Variants in UMOD observed in about 807,000 individuals in gnomAD.
UMOD encodes Tamm-Horsfall urinary glycoprotein.
Under a neutral mutation model 66.0 loss-of-function variants are expected in UMOD, and 64 were observed. The observed-to-expected ratio is 0.97, with a 90% CI of 0.79 to 1.19. The LOEUF is 1.19. UMOD is among the 50% of genes most tolerant of loss of function. UMOD has a pLI of 0.00. For synonymous variants in UMOD, 398 were observed against 352.7 expected, an observed-to-expected ratio of 1.13 and a Z score of -1.44; for missense variants, 764 against 850.9, an observed-to-expected ratio of 0.90 and a Z score of 1.27.
At chr16:20,334,974 C>A (rs545598015) in intron 10 of UMOD, among the ~76,000 whole-genome samples, 4 of 151,748 alleles carry the variant, frequency 2.6e-5, no homozygotes, top group African/African-American at 9.7e-5. Flanking sequence ...CTGGGAGGCG[C>A]GCGCCACCAC....
chr16:20,340,429 A>C (rs1287014683), intron 7 of UMOD, among the ~76,000 whole-genome samples: 1 of 148,588 alleles, frequency 6.7e-6, no homozygotes, highest in Admixed American at 6.7e-5. Flanking sequence ...TACAAAATGC[A>C]TTATATCTTT....
At chr16:20,343,297 A>T (rs1453761360) in intron 6 of UMOD, among the ~76,000 whole-genome samples, 2 of 152,224 alleles carry the variant, frequency 1.3e-5, no homozygotes, top group Non-Finnish European at 2.9e-5. Flanking sequence ...GGCACCCAGT[A>T]TGAATAGTTT....
chr16:20,338,954 C>T (rs1345620169), intron 7 of UMOD, among the ~76,000 whole-genome samples: 2 of 152,104 alleles, frequency 1.3e-5, no homozygotes, highest in Non-Finnish European at 2.9e-5. Context: ...TAGAGATGGG[C>T]TTTGCTGTAT....
At chr16:20,350,312 A>G (rs1596565567) in intron 2 of UMOD, among the ~76,000 whole-genome samples, 1 of 152,156 alleles carries the variant, frequency 6.6e-6, no homozygotes, top group South Asian at 2.1e-4. Flanking sequence ...CTGACTTCCA[A>G]TAAAGGGCCT....
Position 20,344,469 on chromosome 16 carries a change from G to A in UMOD, c.1183-297C>T, listed in dbSNP as rs571090326. 7.9e-5 allele frequency among the ~76,000 whole-genome samples: 12 copies of A among 152,152 alleles called. No individual in the cohort carries two copies. In the East Asian group the frequency reaches 2.1e-3, roughly 27 times the overall value. On this transcript the variant is annotated intron_variant, in intron 5 of 10. Coordinates refer to ENST00000396138, the MANE Select transcript of UMOD (RefSeq NM_003361.4). ...AATACAAAAAGTAGCCGGGCGTGGT[G>A]GTGGGTGCCTGTAATCCCAACTACT...
intron 5 of UMOD, among the ~76,000 whole-genome samples, chr16:20,345,174 C>T (rs565746821): frequency 6.6e-6 from 1 of 152,108 alleles, no homozygotes; most frequent in Non-Finnish European, 1.5e-5. Flanking sequence ...CCAACAGGTC[C>T]AGCAAATTTT....
intron 1 of UMOD, among the ~76,000 whole-genome samples, chr16:20,351,712 A>C (rs987828663): frequency 6.6e-6 from 1 of 151,846 alleles, no homozygotes; most frequent in Non-Finnish European, 1.5e-5. Context: ...CGTGACCATG[A>C]TGTACTAAAA....
intron 5 of UMOD, among the ~76,000 whole-genome samples, chr16:20,345,684 A>G (rs1352563802): frequency 6.6e-6 from 1 of 151,662 alleles, no homozygotes; most frequent in East Asian, 1.9e-4. Context: ...GTTTCATTTG[A>G]GGAGGCCTCT....
chr16:20,348,854 C>T lies in UMOD; in HGVS notation c.447G>A (p.Glu149=), dbSNP rs1187035511. The change falls in exon 3 of 11, where the codon GAG becomes GAA. Residue 149 remains glutamate (E), a synonymous_variant. Transcript: ENST00000396138. ...CCGGCCCGCAGGAGCCCGGGGAGCA[C>T]TCACAGTGCCATCCATCCCCCCGGT... ...AGYRGDGWHC[E]CSPGSCGPGL... The T allele has an allele frequency of 6.5e-7, 1 of 1,548,516 alleles. No homozygotes were observed. The highest frequency in any genetic ancestry group is 8.7e-7 in the Non-Finnish European group (1 of 1,147,182).
intron 7 of UMOD, among the ~76,000 whole-genome samples, chr16:20,338,655 G>C (rs987315268): frequency 2.6e-5 from 4 of 151,758 alleles, no homozygotes; most frequent in African/African-American, 7.3e-5. Context: ...CATCATGCCT[G>C]GCTAATTCTT....
At chr16:20,337,523 A>G in intron 7 of UMOD, 70 bp from the exon 8 acceptor site, 1 of 1,594,252 alleles carries the variant, frequency 6.3e-7, no homozygotes. Flanking sequence ...TCCTGGATTC[A>G]AATATTGCTC....
intron 5 of UMOD, 33 bp downstream of exon 5, chr16:20,346,093 C>A (rs367785364): frequency 1.8e-5 from 29 of 1,592,588 alleles, no homozygotes; most frequent in Non-Finnish European, 2.4e-5. Context: ...CCAGGCAGTG[C>A]TCTGGTTCTG....
rs11310838 is a variant in UMOD, at chr16:20,344,600, C to CAA, written c.1183-430_1183-429dup. Among the ~76,000 whole-genome samples, 245 of 126,418 alleles carry CAA rather than the reference C, an allele frequency of 1.9e-3. 1 individual carries two copies. Among genetic ancestry groups the CAA allele is most frequent in the South Asian group, 0.011 (42 of 3,898 alleles). The allele number at this position is 126,418 out of a possible 152,430, so 82.9% of individuals were successfully genotyped here. On this transcript the variant is annotated intron_variant, in intron 5 of 10. Transcript: ENST00000396138. ...CCTCGGCGACAGGGAGATTCCATCT[C>CAA]AAAAAAAAAAAAAAAAATCCCACAA...
chr16:20,348,608 G>A lies in UMOD; in HGVS notation c.693C>T (p.Leu231=). ...LRCNTAAPMW[L]NGTHPSSDEG... is the part of the protein sequence containing the mutation. ...CGTCGCTGGACGGATGCGTGCCATT[G>A]AGCCACATGGGGGCGGCCGTGTTGC... Residue 231 remains leucine (L), a synonymous_variant, in exon 3 of 11, where the codon CTC becomes CTT. Transcript: ENST00000396138. 2 of 1,588,190 alleles carry A rather than the reference G, an allele frequency of 1.3e-6. No homozygotes were observed. The highest frequency in any genetic ancestry group is 1.7e-6 in the Non-Finnish European group (2 of 1,172,332).
At chr16:20,353,443 C>T (rs750552459), upstream of UMOD, among the ~76,000 whole-genome samples, 51 of 152,088 alleles carry the variant, frequency 3.4e-4, no homozygotes, top group Non-Finnish European at 6.3e-4. Flanking sequence ...TCCTGAGGTC[C>T]AGAGGTCAAT....
chr16:20,350,012 T>C, intron 2 of UMOD: 1 of 839,030 alleles, frequency 1.2e-6, no homozygotes, highest in Non-Finnish European at 1.7e-6. Context: ...CAGTTTTTTA[T>C]GTATCCTTAT....
At chr16:20,353,290 C>G (rs1180593354), upstream of UMOD, among the ~76,000 whole-genome samples, 1 of 152,164 alleles carries the variant, frequency 6.6e-6, no homozygotes, top group African/African-American at 2.4e-5. Context: ...CTGACCCACT[C>G]TGTACAACAA....
At chr16:20,343,873 G>T in intron 6 of UMOD, 151 bp downstream of exon 6, 1 of 881,112 alleles carries the variant, frequency 1.1e-6, no homozygotes, top group Non-Finnish European at 1.8e-6. Context: ...TTGAACCTGG[G>T]CTCCAGAATT....
chr16:20,341,057 C>T (rs755128384), intron 7 of UMOD, 34 bp downstream of exon 7: 2 of 1,605,022 alleles, frequency 1.2e-6, no homozygotes, highest in East Asian at 2.2e-5. Context: ...CTGAATTCTA[C>T]CCATGAGTTC....
Sources: gnomAD v4.1 joint callset for allele counts (sites outside exome capture counted in the v4.1 genomes callset) on GRCh38, gnomAD v4.1.1 for gene constraint, MANE v1.5 for transcripts, NCBI Gene and HGNC (gene_info 2026-07-23, HGNC 2026-07-21) for gene names.